CNGB3: variants seen among roughly 807,000 people sequenced by gnomAD.
The protein encoded by CNGB3 is cyclic nucleotide gated channel subunit beta 3, also known as cyclic nucleotide-gated channel beta-3.
Under a neutral mutation model 92.8 loss-of-function variants are expected in CNGB3, and 86 were observed. The ratio of observed to expected loss-of-function variants is 0.93; its 90% CI spans 0.78 to 1.11. The LOEUF is 1.11. Ranked by LOEUF, CNGB3 falls within the 50% of genes least tolerant of loss-of-function variation. The pLI is 0.00. For synonymous variants in CNGB3, 333 were observed against 332.7 expected, an observed-to-expected ratio of 1.00 and a Z score of -0.01; for missense variants, 1,026 against 956.8, an observed-to-expected ratio of 1.07 and a Z score of -0.95.
intron 3 of CNGB3, among the ~76,000 whole-genome samples, chr8:86,679,480 G>T (rs1397930876): frequency 6.6e-6 from 1 of 151,986 alleles, no homozygotes; most frequent in Non-Finnish European, 1.5e-5. Context: ...GCCCTAATCT[G>T]ATAGGATTGA....
intron 15 of CNGB3, among the ~76,000 whole-genome samples, chr8:86,597,734 C>A (rs1040668236): frequency 1.3e-5 from 2 of 152,230 alleles, no homozygotes; most frequent in Middle Eastern, 6.8e-3. Context: ...TAATCCAGCA[C>A]TCTGGGAGGC....
At position 86,667,061 on chromosome 8, in the gene CNGB3, C is replaced by A. The variant is rs759029829; in HGVS notation, c.716G>T (p.Arg239Leu). 3 of 1,614,022 alleles carry A rather than the reference C, an allele frequency of 1.9e-6. No individual in the cohort carries two copies. Among genetic ancestry groups the A allele is most frequent in the Non-Finnish European group, 1.7e-6 (2 of 1,179,968 alleles). Residue 239 changes from arginine (R) to leucine (L), a missense_variant, in exon 6 of 18, where the codon CGC becomes CTC. Arg to Leu is a moderately radical substitution (Grantham distance 102). Coordinates refer to ENST00000320005, the MANE Select transcript of CNGB3 (RefSeq NM_019098.5). ...YNWNCCFIPLRLVFPYQTADN... is the reference protein window; with the variant it reads ...YNWNCCFIPLLLVFPYQTADN... ...TGCGGTTTGATATGGGAAGACGAGG[C>A]GCAGTGGTATAAAACAGCAGTTCCA...
At chr8:86,661,419 G>A (rs1823638504) in intron 6 of CNGB3, 1 of 463,978 alleles carries the variant, frequency 2.2e-6, no homozygotes, top group Non-Finnish European at 4.2e-6. Flanking sequence ...AAAAATTCCA[G>A]CAGACCTGTT....
intron 3 of CNGB3, among the ~76,000 whole-genome samples, chr8:86,716,508 T>C (rs1824855935): frequency 6.6e-6 from 1 of 151,958 alleles, no homozygotes; most frequent in Admixed American, 6.6e-5. Flanking sequence ...CCTACTAGAG[T>C]AACAGCAGAT....
chr8:86,581,742 C>CG (rs1821789278), intron 15 of CNGB3, among the ~76,000 whole-genome samples: 1 of 152,102 alleles, frequency 6.6e-6, no homozygotes, highest in Non-Finnish European at 1.5e-5. Context: ...CTTACCCCCC[C>CG]ACCAAGTCTC....
chr8:86,694,129 ACCCCCCCACC>A (rs1824385195), intron 3 of CNGB3, among the ~76,000 whole-genome samples: 3 of 94,810 alleles, frequency 3.2e-5, no homozygotes, highest in African/African-American at 8.7e-5. Context: ...CGGGGGGCTG[ACCCCCCCACC>A]TCCCTCCTGG....
intron 12 of CNGB3, among the ~76,000 whole-genome samples, chr8:86,628,611 G>A (rs1280328733): frequency 6.6e-6 from 1 of 152,082 alleles, no homozygotes; most frequent in African/African-American, 2.4e-5. Context: ...CCTTCAAAGG[G>A]ATAGACAATG....
intron 15 of CNGB3, among the ~76,000 whole-genome samples, chr8:86,598,877 T>C (rs1039257843): frequency 1.3e-5 from 2 of 152,168 alleles, no homozygotes; most frequent in African/African-American, 2.4e-5. Flanking sequence ...ACCCTGACCC[T>C]TTTTTTCAAG....
At position 86,728,051 on chromosome 8, in the gene CNGB3, G is replaced by A. The variant is rs77174524; in HGVS notation, c.212-1394C>T. 2.6e-3 allele frequency among the ~76,000 whole-genome samples: 395 copies of A among 151,978 alleles called. 12 individuals are homozygous for A. The East Asian group carries it at 0.069, about 27-fold the overall frequency. On this transcript the variant is annotated intron_variant, in intron 2 of 17. Transcript: ENST00000320005. ...TAAGACTAAGAAAGCCTAAATTCTC[G>A]GATTTCCCAAGACGCTTTTATTCAT...
intron 1 of CNGB3, among the ~76,000 whole-genome samples, chr8:86,742,297 A>G (rs1825356634): frequency 6.6e-6 from 1 of 152,238 alleles, no homozygotes; most frequent in African/African-American, 2.4e-5. Flanking sequence ...GTGACATTGT[A>G]TGAGTTCTTA....
At chr8:86,693,348 TACTC>T (rs879568427) in intron 3 of CNGB3, among the ~76,000 whole-genome samples, 28 of 152,126 alleles carry the variant, frequency 1.8e-4, no homozygotes, top group Admixed American at 4.6e-4. Flanking sequence ...TTTCTCTTCT[TACTC>T]AGGAACAACA....
At chr8:86,672,052 C>T (rs1241674867) in intron 3 of CNGB3, among the ~76,000 whole-genome samples, 2 of 152,066 alleles carry the variant, frequency 1.3e-5, no homozygotes, top group African/African-American at 4.8e-5. Flanking sequence ...TGTTATGTGG[C>T]AATAGAAAAA....
chr8:86,621,494 T>C (rs919639142), intron 13 of CNGB3, among the ~76,000 whole-genome samples: 4 of 152,162 alleles, frequency 2.6e-5, no homozygotes, highest in African/African-American at 7.2e-5. Flanking sequence ...ATTTCAATAG[T>C]TTTTGGGGAA....
At chr8:86,730,533 C>T (rs1411283864) in intron 2 of CNGB3, among the ~76,000 whole-genome samples, 1 of 152,118 alleles carries the variant, frequency 6.6e-6, no homozygotes, top group Non-Finnish European at 1.5e-5. Context: ...GCCACCAGTA[C>T]CTGAGTAACT....
intron 2 of CNGB3, among the ~76,000 whole-genome samples, chr8:86,736,434 CT>C (rs2131680995): frequency 6.6e-6 from 1 of 152,092 alleles, no homozygotes; most frequent in East Asian, 1.9e-4. Flanking sequence ...AAAATTTAAG[CT>C]TACAAATACA....
intron 3 of CNGB3, among the ~76,000 whole-genome samples, chr8:86,690,638 C>G (rs1824293815): frequency 6.6e-6 from 1 of 152,104 alleles, no homozygotes; most frequent in Non-Finnish European, 1.5e-5. Flanking sequence ...TTGCCCATGC[C>G]TATGTCCTGA....
rs1246579116 is a variant in CNGB3, at chr8:86,579,153, A to C, written c.1881T>G (p.Ile627Met). The C allele has an allele frequency of 6.2e-7, 1 of 1,614,004 alleles. No homozygotes were observed. Among genetic ancestry groups the C allele is most frequent in the African/African-American group, 1.3e-5 (1 of 74,984 alleles). ...LTLDKKTLQE[I>M]LVHYPDSERI... The stretch of plus-strand genomic sequence containing the variant: ...TTTCAGAATCTGGATAATGCACTAG[A>C]ATTTCTTGGAGGGTCTTTTTGTCTA... The change falls in exon 16 of 18, where the codon ATT becomes ATG. Residue 627 changes from isoleucine (I) to methionine (M), a missense_variant. By Grantham distance (10) the Ile-to-Met change is conservative. Coordinates refer to ENST00000320005, the MANE Select transcript of CNGB3 (RefSeq NM_019098.5).
chr8:86,591,594 C>T (rs1822037541), intron 15 of CNGB3, among the ~76,000 whole-genome samples: 1 of 152,086 alleles, frequency 6.6e-6, no homozygotes, highest in Non-Finnish European at 1.5e-5. Flanking sequence ...TTGGAGTACC[C>T]TGCCGTGTGA....
At chr8:86,738,056 T>C (rs1244744793) in intron 2 of CNGB3, among the ~76,000 whole-genome samples, 1 of 152,224 alleles carries the variant, frequency 6.6e-6, no homozygotes, top group Admixed American at 6.5e-5. Flanking sequence ...TTTGTTTTAG[T>C]GCAAATAGGA....
Sources: allele counts gnomAD v4.1 joint callset (sites outside exome capture counted in the v4.1 genomes callset), GRCh38; gene constraint gnomAD v4.1.1; transcripts MANE v1.5; gene names NCBI Gene and HGNC (gene_info 2026-07-23, HGNC 2026-07-21).